The following HOMER2 variants were observed in gnomAD, a reference collection of about 807,000 sequenced individuals.
HOMER2 encodes the protein homer protein homolog 2.
A neutral mutation model predicts 47.0 loss-of-function variants in HOMER2; 27 were observed. The ratio of observed to expected loss-of-function variants is 0.57; its 90% CI spans 0.42 to 0.79. HOMER2 has a LOEUF of 0.79. Among genes scored for constraint, HOMER2 ranks in the 30% least tolerant of loss-of-function variants. The pLI is 0.00. For missense variants in HOMER2, 443 were observed against 435.0 expected, an observed-to-expected ratio of 1.02 and a Z score of -0.16; for synonymous variants, 161 against 163.8, an observed-to-expected ratio of 0.98 and a Z score of 0.13.
chr15:82,967,675 A>G (rs1376667317), intron 1 of HOMER2, among the ~76,000 whole-genome samples: 3 of 152,160 alleles, frequency 2.0e-5, no homozygotes, highest in Non-Finnish European at 4.4e-5. Context: ...GGAGTTCGAG[A>G]CCAGCCTGGC....
At chr15:82,948,584 G>A (rs1023983862) in intron 1 of HOMER2, among the ~76,000 whole-genome samples, 3 of 152,126 alleles carry the variant, frequency 2.0e-5, no homozygotes, top group African/African-American at 7.2e-5. Context: ...AAAGAAAAGG[G>A]GCTGGGTTAG....
At chr15:82,982,539 T>C (rs2030429604) in intron 1 of HOMER2, among the ~76,000 whole-genome samples, 1 of 152,186 alleles carries the variant, frequency 6.6e-6, no homozygotes, top group South Asian at 2.1e-4. Flanking sequence ...AAATACCAGT[T>C]GAGTATCCCT....
At chr15:82,902,553 T>C (rs2053155489) in intron 1 of HOMER2, among the ~76,000 whole-genome samples, 1 of 152,210 alleles carries the variant, frequency 6.6e-6, no homozygotes, top group Non-Finnish European at 1.5e-5. Context: ...ACAGGATTAA[T>C]GATTTCTGAG....
chr15:82,964,269 C>T (rs1025925264), intron 1 of HOMER2, among the ~76,000 whole-genome samples: 11 of 152,214 alleles, frequency 7.2e-5, no homozygotes, highest in Admixed American at 6.5e-4. Flanking sequence ...TGCTCCAGCG[C>T]GTCCCCCTGC....
At position 82,854,627 on chromosome 15, in the gene HOMER2, G is replaced by A; in HGVS notation, c.651+17C>T. On this transcript the variant is annotated intron_variant, in intron 6 of 8. Transcript: ENST00000450735. Reference sequence around the variant, plus strand: ...ACACCAGCTGGCCTCGGGGCTCACTGCATCCACCGTACCCACCTTGTTGCG... The same window carrying A: ...ACACCAGCTGGCCTCGGGGCTCACTACATCCACCGTACCCACCTTGTTGCG... The A allele has an allele frequency of 1.2e-6, 2 of 1,604,128 alleles. No individual in the cohort carries two copies. Among genetic ancestry groups the A allele is most frequent in the Non-Finnish European group, 1.7e-6 (2 of 1,174,376 alleles).
intron 1 of HOMER2, among the ~76,000 whole-genome samples, chr15:82,935,622 T>C (rs1311677320): frequency 6.6e-6 from 1 of 151,982 alleles, no homozygotes. Context: ...CACACCCCCA[T>C]CCTAACTTGC....
chr15:82,836,585 C>A (rs1266095306), downstream of HOMER2, among the ~76,000 whole-genome samples: 1 of 152,244 alleles, frequency 6.6e-6, no homozygotes, highest in African/African-American at 2.4e-5. Flanking sequence ...TCTCTGACCT[C>A]TCTCTCCTAT....
chr15:82,843,030 G>A (rs1017768315), exon 2 of HOMER2: 5 of 152,102 alleles, frequency 3.3e-5, no homozygotes, highest in African/African-American at 1.2e-4. Flanking sequence ...CAAAGTGTTG[G>A]GATTACAGGC....
At chr15:82,946,579 T>C (rs1349824151) in intron 1 of HOMER2, among the ~76,000 whole-genome samples, 1 of 152,220 alleles carries the variant, frequency 6.6e-6, no homozygotes. Flanking sequence ...AGCTCTTTAA[T>C]GCCTCCTTCT....
rs940780445 is a variant in HOMER2, at chr15:82,913,362, A to C, written c.6-20521T>G. ...TGCCTGATGTAGTCTGATCATCTTG[A>C]AGAAGCCTGAGCTACACGGAGAGGG... is the stretch of plus-strand genomic sequence containing the variant. On this transcript the variant is annotated intron_variant, in intron 1 of 8. Transcript: ENST00000450735. The surrounding 1 kb of genome is among the most constrained non-coding windows in gnomAD (Gnocchi z 4.1). Among the ~76,000 whole-genome samples the C allele has an allele frequency of 6.6e-6, 1 of 151,924 alleles. No homozygotes were observed. The highest frequency in any genetic ancestry group is 1.5e-5 in the Non-Finnish European group (1 of 67,986).
At chr15:82,938,321 T>C (rs1257093383) in intron 1 of HOMER2, among the ~76,000 whole-genome samples, 1 of 152,036 alleles carries the variant, frequency 6.6e-6, no homozygotes, top group Admixed American at 6.6e-5. Context: ...TTGCAGTAAG[T>C]TGAGATCGCG....
At chr15:82,847,010 A>C (rs1264990154), downstream of HOMER2, 2 of 152,252 alleles carry the variant, frequency 1.3e-5, no homozygotes, top group African/African-American at 4.8e-5. Flanking sequence ...AAGGTATAGC[A>C]GCCAGTCTTG....
At chr15:82,957,898 C>T (rs976060426), downstream of HOMER2, among the ~76,000 whole-genome samples, 30 of 152,220 alleles carry the variant, frequency 2.0e-4, no homozygotes, top group South Asian at 2.1e-4. Flanking sequence ...AGTGCAGTGG[C>T]GCGACCTCCA....
chr15:82,912,958 T>A (rs1290201829), intron 1 of HOMER2, among the ~76,000 whole-genome samples: 1 of 152,210 alleles, frequency 6.6e-6, no homozygotes, highest in East Asian at 1.9e-4. Flanking sequence ...CACACACTAG[T>A]TAACCTATTT....
At chr15:82,973,254 T>A (rs1454415412) in intron 1 of HOMER2, among the ~76,000 whole-genome samples, 1 of 152,162 alleles carries the variant, frequency 6.6e-6, no homozygotes, top group Admixed American at 6.5e-5. Flanking sequence ...GAAATATGCC[T>A]CAAATATGTT....
chr15:82,875,936 A>T (rs1034999372), intron 2 of HOMER2, among the ~76,000 whole-genome samples: 1 of 152,226 alleles, frequency 6.6e-6, no homozygotes, highest in African/African-American at 2.4e-5. Flanking sequence ...AAAGAAACTA[A>T]TTATACGGGT....
At chr15:82,867,494 T>C (rs1162434282) in intron 3 of HOMER2, among the ~76,000 whole-genome samples, 1 of 151,992 alleles carries the variant, frequency 6.6e-6, no homozygotes, top group African/African-American at 2.4e-5. Context: ...CTGAAAAGTA[T>C]GACAAGCCCA....
chr15:82,878,342 AT>A (rs559965486), intron 2 of HOMER2, among the ~76,000 whole-genome samples: 2 of 151,896 alleles, frequency 1.3e-5, no homozygotes, highest in Non-Finnish European at 2.9e-5. Flanking sequence ...TTTAACCCCC[AT>A]TTTTTTCAGA....
chr15:82,899,718 A>G (rs1438085842), intron 1 of HOMER2, among the ~76,000 whole-genome samples: 1 of 152,160 alleles, frequency 6.6e-6, no homozygotes, highest in African/African-American at 2.4e-5. Context: ...AAACAACCAG[A>G]TAGAAAATAT....
Sources: gnomAD v4.1 joint callset for allele counts (sites outside exome capture counted in the v4.1 genomes callset) on GRCh38, gnomAD v4.1.1 for gene constraint, Gnocchi (gnomAD v3.1) non-coding constraint, MANE v1.5 for transcripts, NCBI Gene and HGNC (gene_info 2026-07-23, HGNC 2026-07-21) for gene names.